Variants in GPR161 observed in about 807,000 individuals in gnomAD.
GPR161 encodes the protein G-protein coupled receptor RE2.
In GPR161, 25 loss-of-function variants were observed where a neutral mutation model predicts 39.2. The ratio of observed to expected loss-of-function variants is 0.64; its 90% CI spans 0.47 to 0.89. The LOEUF (loss-of-function observed/expected upper bound fraction) is 0.89. GPR161 is among the 40% of genes least tolerant of loss of function. GPR161 has a pLI of 0.00. For missense variants in GPR161, 547 were observed against 677.8 expected (o/e 0.81, Z 2.14); for synonymous variants, 286 against 276.6 (o/e 1.03, Z -0.34).
chr1:168,137,567 A>T, upstream of GPR161: 1 of 637,726 alleles, frequency 1.6e-6, no homozygotes, highest in South Asian at 1.8e-5. Context: ...AAGGCCAGGG[A>T]GCAGTCATCA....
At chr1:168,118,037 A>C (rs974449519) in intron 1 of GPR161, among the ~76,000 whole-genome samples, 1 of 152,218 alleles carries the variant, frequency 6.6e-6, no homozygotes, top group Non-Finnish European at 1.5e-5. Flanking sequence ...CAGAAACCAC[A>C]CAGACAATAT....
chr1:168,112,870 G>C (rs1446213496), intron 1 of GPR161, among the ~76,000 whole-genome samples: 1 of 152,142 alleles, frequency 6.6e-6, no homozygotes, highest in Non-Finnish European at 1.5e-5. Flanking sequence ...AAGCACACCA[G>C]TGACCTGCGA....
At chr1:168,104,250 G>A (rs1696376869) in intron 2 of GPR161, among the ~76,000 whole-genome samples, 1 of 152,156 alleles carries the variant, frequency 6.6e-6, no homozygotes. Flanking sequence ...TTTTATTTTA[G>A]GCGATGGAAG....
intron 1 of GPR161, among the ~76,000 whole-genome samples, chr1:168,130,035 C>G (rs1356489413): frequency 2.0e-5 from 3 of 152,232 alleles, no homozygotes; most frequent in Non-Finnish European, 4.4e-5. Flanking sequence ...CTTGTCTTCC[C>G]TGAGCTCCTC....
chr1:168,122,193 C>G (rs983537145), intron 1 of GPR161, among the ~76,000 whole-genome samples: 3 of 152,222 alleles, frequency 2.0e-5, no homozygotes, highest in African/African-American at 7.2e-5. Flanking sequence ...CGCGTGCCAT[C>G]CCATCCTTCC....
intron 1 of GPR161, chr1:168,136,331 T>G (rs2102279663): frequency 1.4e-6 from 2 of 1,479,402 alleles, no homozygotes; most frequent in South Asian, 2.6e-5. Flanking sequence ...GGACGTGGAG[T>G]CTCTTGGCCC....
chr1:168,090,311 C>T (rs1694927877), intron 4 of GPR161: 2 of 357,272 alleles, frequency 5.6e-6, no homozygotes, highest in African/African-American at 2.1e-5. Flanking sequence ...CACTTTCAAC[C>T]CCCTAATAAC....
In GPR161 at chr1:168,083,489, C is replaced by G. The variant is rs983011487; in HGVS notation, c.*2042G>C. 1.3e-5 allele frequency: 2 copies of G among 152,246 alleles called. No individual in the cohort carries two copies. Among genetic ancestry groups the G allele is most frequent in the African/African-American group, 4.8e-5 (2 of 41,442 alleles). 9.4% of individuals were successfully genotyped at this position (152,246 alleles called of 1,614,324 possible). A position where few individuals can be genotyped will look rare whatever the true frequency, so the allele number is the denominator to read the frequency against. On this transcript the variant is annotated 3_prime_UTR_variant, in exon 6 of 6. Transcript: ENST00000682931. ...CAACCCATCCTAGAGATAAAGGTCTCTCTGCCCTGTTCCACCTCTGTGCAC... is the reference window on the plus strand; with the variant it reads ...CAACCCATCCTAGAGATAAAGGTCTGTCTGCCCTGTTCCACCTCTGTGCAC...
intron 1 of GPR161, 119 bp downstream of exon 1, chr1:168,136,620 G>T: frequency 8.1e-7 from 1 of 1,227,138 alleles, no homozygotes; most frequent in South Asian, 4.0e-5. Context: ...CCGTGGGGGC[G>T]GGGACCCTTC....
At chr1:168,092,876 C>T (rs562476211) in intron 3 of GPR161, among the ~76,000 whole-genome samples, 1 of 152,164 alleles carries the variant, frequency 6.6e-6, no homozygotes, top group Non-Finnish European at 1.5e-5. Flanking sequence ...ACGGGAAAGG[C>T]TCTATGCCCA....
In GPR161 at chr1:168,104,825, C is replaced by A; in HGVS notation, c.26G>T (p.Cys9Phe). MSLNSSLS[C>F]RKELSNLTEE... ...AGTGAGATTACTCAGCTCCTTCCTG[C>A]AGCTGAGGGAGGAGTTGAGGCTCAT... Residue 9 changes from cysteine (C) to phenylalanine (F), a missense_variant, in exon 2 of 6, where the codon TGC becomes TTC. By Grantham distance (205) the Cys-to-Phe change is radical. Coordinates refer to ENST00000682931, the MANE Select transcript of GPR161 (RefSeq NM_001375883.1). The A allele has an allele frequency of 6.2e-7, 1 of 1,613,032 alleles. No individual in the cohort carries two copies. Among genetic ancestry groups the A allele is most frequent in the Non-Finnish European group, 8.5e-7 (1 of 1,179,016 alleles).
intron 1 of GPR161, among the ~76,000 whole-genome samples, chr1:168,115,204 T>G (rs1323138164): frequency 6.6e-6 from 1 of 152,196 alleles, no homozygotes; most frequent in Non-Finnish European, 1.5e-5. Context: ...GGACTTAAGA[T>G]TCTGAATCTT....
chr1:168,113,070 C>A, intron 1 of GPR161, among the ~76,000 whole-genome samples: 1 of 152,164 alleles, frequency 6.6e-6, no homozygotes, highest in Non-Finnish European at 1.5e-5. Context: ...CTTTAAAGAA[C>A]AAGAGAAGTG....
intron 4 of GPR161, 122 bp downstream of exon 4, chr1:168,090,442 C>G (rs74122627): frequency 1.6e-5 from 9 of 564,800 alleles, no homozygotes; most frequent in Non-Finnish European, 2.9e-5. Flanking sequence ...TCTCACCCCC[C>G]ACCCACCGTG....
chr1:168,095,180 G>A (rs1044118329), intron 3 of GPR161, among the ~76,000 whole-genome samples: 18 of 152,184 alleles, frequency 1.2e-4, no homozygotes, highest in African/African-American at 4.3e-4. Context: ...CAAAATACCT[G>A]GTAAGTACTC....
At chr1:168,105,595 G>A (rs1432221385) in intron 1 of GPR161, among the ~76,000 whole-genome samples, 1 of 152,198 alleles carries the variant, frequency 6.6e-6, no homozygotes, top group African/African-American at 2.4e-5. Flanking sequence ...CGTCATTACT[G>A]TTCTCATCAG....
chr1:168,118,320 C>T (rs1209577721), intron 1 of GPR161, among the ~76,000 whole-genome samples: 1 of 152,128 alleles, frequency 6.6e-6, no homozygotes, highest in Non-Finnish European at 1.5e-5. Flanking sequence ...AATTCAAAAA[C>T]AAGCAAAGAG....
chr1:168,114,303 C>A (rs1481984762), intron 1 of GPR161, among the ~76,000 whole-genome samples: 2 of 152,118 alleles, frequency 1.3e-5, no homozygotes, highest in Non-Finnish European at 2.9e-5. Context: ...CAGATGCCAG[C>A]CAGGTGCTGT....
In GPR161 at chr1:168,104,517, A is replaced by G. The variant is rs1432624302; in HGVS notation, c.334T>C (p.Ser112Pro). 1 of 1,613,978 alleles carries G rather than the reference A, an allele frequency of 6.2e-7. No individual in the cohort carries two copies. The highest frequency in any genetic ancestry group is 8.5e-7 in the Non-Finnish European group (1 of 1,179,992). The change falls in exon 2 of 6, where the codon TCT (serine) becomes CCT (proline). Residue 112 changes from serine to proline, a missense_variant. Transcript: ENST00000682931. Reference sequence around the variant, plus strand: ...ACCCCGAGGGTTAGCATGCTGGCAGAGCTGATCAGCAGGTAGAGGAGGGCA... The same window carrying G: ...ACCCCGAGGGTTAGCATGCTGGCAGGGCTGATCAGCAGGTAGAGGAGGGCA... ...FSALLYLLISSASMLTLGVIA... is the reference protein window; with the variant it reads ...FSALLYLLISPASMLTLGVIA...
Sources: gnomAD v4.1 joint callset for allele counts (sites outside exome capture counted in the v4.1 genomes callset) on GRCh38, gnomAD v4.1.1 for gene constraint, MANE v1.5 for transcripts, NCBI Gene and HGNC (gene_info 2026-07-23, HGNC 2026-07-21) for gene names.